ID1: variants seen among roughly 807,000 people sequenced by gnomAD.
ID1 encodes DNA-binding protein inhibitor ID-1.
Under a neutral mutation model 11.3 loss-of-function variants are expected in ID1, and 8 were observed. The observed-to-expected ratio is 0.71, with a 90% CI of 0.42 to 1.28. The LOEUF (loss-of-function observed/expected upper bound fraction) is 1.28, where lower values mean the gene tolerates loss of function less well. ID1 is among the 50% of genes most tolerant of loss of function. The pLI is 0.01. For synonymous variants in ID1, 176 were observed against 100.2 expected (o/e 1.76, Z -4.52); for missense variants, 347 against 219.8 (o/e 1.58, Z -3.66).
At chr20:31,606,031 T>A in intron 1 of ID1, 22 bp from the exon 2 acceptor site, 1 of 1,612,876 alleles carries the variant, frequency 6.2e-7, no homozygotes. Context: ...CCCGCCGGTC[T>A]CATTTCTTCT....
In ID1 at chr20:31,605,641, A is replaced by G. The variant is rs1485077330; in HGVS notation, c.254A>G (p.Gln85Arg). The G allele has an allele frequency of 5.6e-6, 9 of 1,601,762 alleles. No individual in the cohort carries two copies. The highest frequency in any genetic ancestry group is 7.7e-6 in the Non-Finnish European group (9 of 1,174,406). The change falls in exon 1 of 2, where the codon CAG becomes CGG. Residue 85 changes from glutamine to arginine, a missense_variant. By Grantham distance (43) the Gln-to-Arg change is conservative (BLOSUM62 1). Transcript: ENST00000376112. ...AAGGAGCTGGTGCCCACCCTGCCCC[A>G]GAACCGCAAGGTGAGCAAGGTGGAG... is the stretch of plus-strand genomic sequence containing the variant. ...RLKELVPTLP[Q>R]NRKVSKVEIL...
In ID1 at chr20:31,605,648, C is replaced by T. The variant is rs1169477318; in HGVS notation, c.261C>T (p.Arg87=). 2 of 1,604,648 alleles carry T rather than the reference C, an allele frequency of 1.2e-6. No homozygotes were observed. Among genetic ancestry groups the T allele is most frequent in the East Asian group, 2.3e-5 (1 of 44,176 alleles). ...TGGTGCCCACCCTGCCCCAGAACCG[C>T]AAGGTGAGCAAGGTGGAGATTCTCC... ...KELVPTLPQN[R]KVSKVEILQH... The change falls in exon 1 of 2, where the codon CGC becomes CGT. Residue 87 remains arginine (R), a synonymous_variant. Transcript: ENST00000376112.
chr20:31,606,482 T>C lies in ID1; in HGVS notation c.*388T>C. ...ACAATAGTTCTGTGGGGCTGTTTTT[T>C]TGTTATTAAACAAATAATTTAGATG... is the stretch of plus-strand genomic sequence containing the variant. On this transcript the variant is annotated 3_prime_UTR_variant, in exon 2 of 2. Transcript: ENST00000376112. 4.4e-6 allele frequency: 1 copy of C among 226,846 alleles called. No homozygotes were observed. Among genetic ancestry groups the C allele is most frequent in the Non-Finnish European group, 9.4e-6 (1 of 106,162 alleles). 14.1% of individuals were successfully genotyped at this position (226,846 alleles called of 1,614,324 possible).
In ID1 at chr20:31,605,821, C is replaced by G. The variant is rs768150207; in HGVS notation, c.426+8C>G. 3.7e-6 allele frequency: 6 copies of G among 1,610,716 alleles called. No homozygotes were observed. Among genetic ancestry groups the G allele is most frequent in the Non-Finnish European group, 5.1e-6 (6 of 1,178,588 alleles). ...AGCGCCCTGACGGCCGAGGTGAGAT[C>G]CAGATCCGACCACTAGATCATCCTT... On this transcript the variant is annotated splice_region_variant and intron_variant, in intron 1 of 1. Coordinates refer to ENST00000376112, the MANE Select transcript of ID1 (RefSeq NM_002165.4).
intron 1 of ID1, 25 bp from the exon 2 acceptor site, chr20:31,606,028 G>T (rs749922542): frequency 1.2e-6 from 2 of 1,612,986 alleles, no homozygotes; most frequent in South Asian, 1.1e-5. Context: ...CAACCCGCCG[G>T]TCTCATTTCT....
Position 31,606,067 on chromosome 20 carries a change from T to C in ID1, c.441T>C (p.Pro147=). The change falls in exon 2 of 2, where the codon CCT becomes CCC. Residue 147 remains proline (P), a synonymous_variant. Coordinates refer to ENST00000376112, the MANE Select transcript of ID1 (RefSeq NM_002165.4). ...CGTTTTCACAGGCGGCATGCGTTCC[T>C]GCGGACGATCGCATCTTGTGTCGCT... The part of the protein sequence containing the change: ...SALTAEAACV[P]ADDRILCR 7 of 1,610,226 alleles carry C rather than the reference T, an allele frequency of 4.3e-6. No homozygotes were observed. Among genetic ancestry groups the C allele is most frequent in the Non-Finnish European group, 5.9e-6 (7 of 1,180,012 alleles).
chr20:31,605,405 C>T lies in ID1; in HGVS notation c.18C>T (p.Gly6=). 6.3e-7 allele frequency: 1 copy of T among 1,599,438 alleles called. No individual in the cohort carries two copies. The highest frequency in any genetic ancestry group is 8.5e-7 in the Non-Finnish European group (1 of 1,177,734). MKVAS[G]STATAAAGPS... ...CAAGAATCATGAAAGTCGCCAGTGGCAGCACCGCCACCGCCGCCGCGGGCC... is the reference window on the plus strand; with the variant it reads ...CAAGAATCATGAAAGTCGCCAGTGGTAGCACCGCCACCGCCGCCGCGGGCC... Residue 6 remains glycine (G), a synonymous_variant, in exon 1 of 2, where the codon GGC becomes GGT. Coordinates refer to ENST00000376112, the MANE Select transcript of ID1 (RefSeq NM_002165.4).
At position 31,605,600 on chromosome 20, in the gene ID1, C is replaced by T. The variant is rs368193908; in HGVS notation, c.213C>T (p.Gly71=). 1.4e-4 allele frequency: 223 copies of T among 1,571,784 alleles called. No homozygotes were observed. The highest frequency in any genetic ancestry group is 1.8e-4 in the Non-Finnish European group (211 of 1,159,080). The part of the protein sequence containing the change: ...QVNVLLYDMN[G]CYSRLKELVP... ...ACGTGCTGCTCTACGACATGAACGGCTGTTACTCACGCCTCAAGGAGCTGG... is the reference window on the plus strand; with the variant it reads ...ACGTGCTGCTCTACGACATGAACGGTTGTTACTCACGCCTCAAGGAGCTGG... The change falls in exon 1 of 2, where the codon GGC becomes GGT. Residue 71 remains glycine, a synonymous_variant. Transcript: ENST00000376112.
Position 31,605,806 on chromosome 20 carries a change from C to T in ID1, c.419C>T (p.Thr140Met), listed in dbSNP as rs767944694. 10 of 1,611,298 alleles carry T rather than the reference C, an allele frequency of 6.2e-6. No homozygotes were observed. In the East Asian group the frequency reaches 2.2e-4, roughly 36 times the overall value. Residue 140 changes from threonine to methionine, a missense_variant, in exon 1 of 2, where the codon ACG becomes ATG. Coordinates refer to ENST00000376112, the MANE Select transcript of ID1 (RefSeq NM_002165.4). The part of the protein sequence containing the change: ...STLNGEISAL[T>M]AEAACVPADD... ...CTCAACGGCGAGATCAGCGCCCTGA[C>T]GGCCGAGGTGAGATCCAGATCCGAC...
chr20:31,606,184 G>A lies in ID1; in HGVS notation c.*90G>A, dbSNP rs1159271797. 3.0e-6 allele frequency: 4 copies of A among 1,339,200 alleles called. No homozygotes were observed. In the African/African-American group the frequency reaches 4.3e-5, roughly 14 times the overall value. 83.0% of individuals were successfully genotyped at this position (1,339,200 alleles called of 1,614,324 possible). On this transcript the variant is annotated 3_prime_UTR_variant, in exon 2 of 2. Coordinates refer to ENST00000376112, the MANE Select transcript of ID1 (RefSeq NM_002165.4). The stretch of plus-strand genomic sequence containing the variant: ...TGGGTCTCCCCCAACGCGCCTCGCC[G>A]GATCTGAGGGAGAACAAGACCGATC...
chr20:31,606,280 C>T lies in ID1; in HGVS notation c.*186C>T, dbSNP rs1489071776. 4 of 630,472 alleles carry T rather than the reference C, an allele frequency of 6.3e-6. No homozygotes were observed. Among genetic ancestry groups the T allele is most frequent in the Non-Finnish European group, 1.2e-5 (4 of 347,468 alleles). The allele number at this position is 630,472 out of a possible 1,614,324, so 39.1% of individuals were successfully genotyped here. The stretch of plus-strand genomic sequence containing the variant: ...GAGGCACTGGCGAGGAGAGGGCGCT[C>T]CTCTCTGCACACCTACTAGTCACCA... On this transcript the variant is annotated 3_prime_UTR_variant, in exon 2 of 2. Coordinates refer to ENST00000376112, the MANE Select transcript of ID1 (RefSeq NM_002165.4).
chr20:31,605,693 C>T lies in ID1; in HGVS notation c.306C>T (p.Ile102=). Residue 102 remains isoleucine (I), a synonymous_variant, in exon 1 of 2, where the codon ATC becomes ATT. Transcript: ENST00000376112. ...TTCTCCAGCACGTCATCGACTACAT[C>T]AGGGACCTTCAGTTGGAGCTGAACT... The part of the protein sequence containing the change: ...VEILQHVIDY[I]RDLQLELNSE... 6.2e-7 allele frequency: 1 copy of T among 1,611,692 alleles called. No individual in the cohort carries two copies. Among genetic ancestry groups the T allele is most frequent in the Non-Finnish European group, 8.5e-7 (1 of 1,178,910 alleles).
chr20:31,605,471 G>A lies in ID1; in HGVS notation c.84G>A (p.Ala28=). The A allele has an allele frequency of 1.2e-6, 2 of 1,608,058 alleles. No individual in the cohort carries two copies. The highest frequency in any genetic ancestry group is 1.7e-4 in the Middle Eastern group (1 of 5,958). The change falls in exon 1 of 2, where the codon GCG becomes GCA. Residue 28 remains alanine (A), a synonymous_variant. Coordinates refer to ENST00000376112, the MANE Select transcript of ID1 (RefSeq NM_002165.4). ...AGGCCGGCAAGACAGCGAGCGGTGCGGGCGAGGTGGTGCGCTGTCTGTCTG... is the reference window on the plus strand; with the variant it reads ...AGGCCGGCAAGACAGCGAGCGGTGCAGGCGAGGTGGTGCGCTGTCTGTCTG... ...ALKAGKTASG[A]GEVVRCLSEQ...
Position 31,605,330 on chromosome 20 carries a change from G to C in ID1, c.-58G>C, listed in dbSNP as rs377301131. 5 of 1,490,132 alleles carry C rather than the reference G, an allele frequency of 3.4e-6. No homozygotes were observed. Among genetic ancestry groups the C allele is most frequent in the South Asian group, 2.4e-5 (2 of 84,712 alleles). 92.3% of individuals were successfully genotyped at this position (1,490,132 alleles called of 1,614,324 possible). A position where few individuals can be genotyped will look rare whatever the true frequency, so the allele number is the denominator to read the frequency against. ...TGTTCCATTTTCCGTATCTGCTTCG[G>C]GCTTCCACCTCATTTTTTTCGCTTT... On this transcript the variant is annotated 5_prime_UTR_variant, in exon 1 of 2. Coordinates refer to ENST00000376112, the MANE Select transcript of ID1 (RefSeq NM_002165.4).
At position 31,606,152 on chromosome 20, in the gene ID1, T is replaced by C. The variant is rs115136221; in HGVS notation, c.*58T>C. ...CATCCAGGGGGCAAGAGGAATTACG[T>C]GCTCTGTGGGTCTCCCCCAACGCGC... On this transcript the variant is annotated 3_prime_UTR_variant, in exon 2 of 2. Transcript: ENST00000376112. The C allele has an allele frequency of 6.1e-5, 95 of 1,548,326 alleles. No individual in the cohort carries two copies. In the African/African-American group the frequency reaches 1.1e-3, roughly 19 times the overall value.
rs769744346 is a variant in ID1 at position 31,605,608 on chromosome 20, C to T, written c.221C>T (p.Ser74Leu). Reference protein sequence around the residue: ...VLLYDMNGCYSRLKELVPTLP... With the variant: ...VLLYDMNGCYLRLKELVPTLP... ...CTCTACGACATGAACGGCTGTTACT[C>T]ACGCCTCAAGGAGCTGGTGCCCACC... Residue 74 changes from serine to leucine, a missense_variant, in exon 1 of 2, where the codon TCA (serine) becomes TTA (leucine). Ser to Leu is a moderately radical substitution (Grantham distance 145, BLOSUM62 -2). Coordinates refer to ENST00000376112, the MANE Select transcript of ID1 (RefSeq NM_002165.4). 2 of 1,576,598 alleles carry T rather than the reference C, an allele frequency of 1.3e-6. No individual in the cohort carries two copies. Among genetic ancestry groups the T allele is most frequent in the Non-Finnish European group, 1.7e-6 (2 of 1,161,824 alleles).
Position 31,605,446 on chromosome 20 carries a change from A to G in ID1, c.59A>G (p.Lys20Arg). 1 of 1,608,956 alleles carries G rather than the reference A, an allele frequency of 6.2e-7. No homozygotes were observed. Among genetic ancestry groups the G allele is most frequent in the Non-Finnish European group, 8.5e-7 (1 of 1,178,380 alleles). The change falls in exon 1 of 2, where the codon AAG (lysine) becomes AGG (arginine). Residue 20 changes from lysine (K) to arginine (R), a missense_variant. Physicochemically the swap from Lys to Arg is conservative, Grantham distance 26. Coordinates refer to ENST00000376112, the MANE Select transcript of ID1 (RefSeq NM_002165.4). ...GCCGCGGGCCCCAGCTGCGCGCTGA[A>G]GGCCGGCAAGACAGCGAGCGGTGCG... ...TAAAGPSCAL[K>R]AGKTASGAGE...
Position 31,605,696 on chromosome 20 carries a change from G to A in ID1, c.309G>A (p.Arg103=), listed in dbSNP as rs372332883. Reference sequence around the variant, plus strand: ...TCCAGCACGTCATCGACTACATCAGGGACCTTCAGTTGGAGCTGAACTCGG... The same window carrying A: ...TCCAGCACGTCATCGACTACATCAGAGACCTTCAGTTGGAGCTGAACTCGG... ...EILQHVIDYI[R]DLQLELNSES... is the part of the protein sequence containing the mutation. Residue 103 remains arginine, a synonymous_variant, in exon 1 of 2, where the codon AGG becomes AGA. Coordinates refer to ENST00000376112, the MANE Select transcript of ID1 (RefSeq NM_002165.4). The A allele has an allele frequency of 4.3e-6, 7 of 1,611,674 alleles. No individual in the cohort carries two copies. The Middle Eastern group carries it at 6.6e-4, about 151-fold the overall frequency.
rs1463349260 is a variant in ID1 at position 31,605,787 on chromosome 20, G to A, written c.400G>A (p.Gly134Ser). The change falls in exon 1 of 2, where the codon GGC becomes AGC. Residue 134 changes from glycine (G) to serine (S), a missense_variant. Gly to Ser is a moderately conservative substitution (Grantham distance 56). Transcript: ENST00000376112. ...CCGGGCTCCGCTCAGCACCCTCAAC[G>A]GCGAGATCAGCGCCCTGACGGCCGA... is the stretch of plus-strand genomic sequence containing the variant. ...PVRAPLSTLNGEISALTAEAA... is the reference protein window; with the variant it reads ...PVRAPLSTLNSEISALTAEAA... The A allele has an allele frequency of 6.2e-7, 1 of 1,611,380 alleles. No individual in the cohort carries two copies. Among genetic ancestry groups the A allele is most frequent in the Non-Finnish European group, 8.5e-7 (1 of 1,178,846 alleles).
Sources: gnomAD v4.1 joint callset for allele counts on GRCh38, gnomAD v4.1.1 for gene constraint, MANE v1.5 for transcripts, NCBI Gene and HGNC (gene_info 2026-07-23, HGNC 2026-07-21) for gene names.